Variants in CUBN observed in about 807,000 individuals in gnomAD.
CUBN encodes the protein cubilin.
CUBN carries 282 observed loss-of-function variants against 405.3 expected under a neutral mutation model. The ratio of observed to expected loss-of-function variants is 0.70; its 90% confidence interval spans 0.63 to 0.77. The LOEUF is 0.77. Among genes scored for constraint, CUBN ranks in the 30% least tolerant of loss-of-function variants. The probability of loss-of-function intolerance (pLI) is 0.00; values close to 1 mark genes in which losing one functional copy is unlikely to be tolerated. For synonymous variants in CUBN, 1,684 were observed against 1,617.0 expected, an observed-to-expected ratio of 1.04 and a Z score of -0.99; for missense variants, 4,514 against 4,475.2, an observed-to-expected ratio of 1.01 and a Z score of -0.25.
intron 31 of CUBN, among the ~76,000 whole-genome samples, chr10:16,972,809 T>G (rs917666676): frequency 6.6e-6 from 1 of 152,034 alleles, no homozygotes; most frequent in Non-Finnish European, 1.5e-5. Flanking sequence ...TAGCCTCTAA[T>G]TCTAGTGACT....
At chr10:16,952,895 C>CT (rs2131630858) in intron 32 of CUBN, among the ~76,000 whole-genome samples, 1 of 152,230 alleles carries the variant, frequency 6.6e-6, no homozygotes, top group African/African-American at 2.4e-5. Context: ...GAGGCCGAGG[C>CT]TAAACTAGGA....
chr10:16,984,229 G>C lies in CUBN; in HGVS notation c.4401C>G (p.Thr1467=). 1 of 1,614,074 alleles carries C rather than the reference G, an allele frequency of 6.2e-7. No homozygotes were observed. The highest frequency in any genetic ancestry group is 8.5e-7 in the Non-Finnish European group (1 of 1,180,018). The change falls in exon 30 of 67, where the codon ACC becomes ACG. Residue 1467 remains threonine (T), a synonymous_variant. Coordinates refer to ENST00000377833, the MANE Select transcript of CUBN (RefSeq NM_001081.4). ...FHSPRIAQLC[T]QRSPENPMQV... Reference sequence around the variant, plus strand: ...GCATGGGGTTCTCAGGTGATCTCTGGGTACACAGTTGGGCTATTCTGGGAG... The same window carrying C: ...GCATGGGGTTCTCAGGTGATCTCTGCGTACACAGTTGGGCTATTCTGGGAG...
intron 57 of CUBN, among the ~76,000 whole-genome samples, chr10:16,874,867 C>A (rs771302433): frequency 6.6e-6 from 1 of 152,106 alleles, no homozygotes; most frequent in South Asian, 2.1e-4. Flanking sequence ...TAACGAAGTA[C>A]GGAAAAGGCG....
intron 62 of CUBN, among the ~76,000 whole-genome samples, chr10:16,839,372 T>C (rs1352888231): frequency 1.3e-5 from 2 of 152,102 alleles, no homozygotes; most frequent in African/African-American, 4.8e-5. Flanking sequence ...TATTTCATCA[T>C]GAAACAAACC....
chr10:16,853,598 C>T (rs1024066496), intron 59 of CUBN, among the ~76,000 whole-genome samples: 8 of 152,220 alleles, frequency 5.3e-5, no homozygotes, highest in African/African-American at 1.9e-4. Flanking sequence ...AGAGTATTTG[C>T]ATAGTCAGAC....
chr10:17,085,573 G>A (rs1588632463), intron 16 of CUBN, 24 bp downstream of exon 16: 5 of 1,610,410 alleles, frequency 3.1e-6, no homozygotes, highest in Non-Finnish European at 8.5e-7. Context: ...TCCCTCTTAA[G>A]CCCCCAACTG....
intron 37 of CUBN, 49 bp from the exon 38 acceptor site, chr10:16,939,196 T>A: frequency 6.9e-7 from 1 of 1,458,594 alleles, no homozygotes; most frequent in Non-Finnish European, 9.6e-7. Flanking sequence ...GAATTGCTCT[T>A]TAATCAAATG....
intron 28 of CUBN, among the ~76,000 whole-genome samples, chr10:17,008,459 TGTGTGC>T (rs1185099881): frequency 1.7e-4 from 25 of 147,708 alleles, no homozygotes; most frequent in African/African-American, 3.6e-4. Context: ...TGTGTGTGTG[TGTGTGC>T]GCGCTTAGCC....
rs540055145 is a variant in CUBN at position 16,872,208 on chromosome 10, C to G, written c.9236+2166G>C. 2.7e-4 allele frequency among the ~76,000 whole-genome samples: 41 copies of G among 152,096 alleles called. No homozygotes were observed. In the Middle Eastern group the frequency reaches 0.02, roughly 76 times the overall value. ...TGAGCTGAGATCACGCCACTGCACT[C>G]CAGCCTGGGCGACAGAGTGAGAGCT... is the stretch of plus-strand genomic sequence containing the variant. On this transcript the variant is annotated intron_variant, in intron 58 of 66. Coordinates refer to ENST00000377833, the MANE Select transcript of CUBN (RefSeq NM_001081.4).
intron 56 of CUBN, among the ~76,000 whole-genome samples, chr10:16,879,114 G>T (rs951407518): frequency 4.6e-5 from 7 of 152,132 alleles, no homozygotes; most frequent in Non-Finnish European, 7.4e-5. Context: ...AATTAGGTAT[G>T]TATTTAATTT....
intron 43 of CUBN, among the ~76,000 whole-genome samples, chr10:16,923,213 G>A (rs1842089260): frequency 6.6e-6 from 1 of 151,910 alleles, no homozygotes; most frequent in Non-Finnish European, 1.5e-5. Context: ...AGAACTCGGT[G>A]GTTTGCATGA....
chr10:16,841,450 C>T (rs574537197), intron 60 of CUBN, among the ~76,000 whole-genome samples: 20 of 152,194 alleles, frequency 1.3e-4, no homozygotes, highest in African/African-American at 3.9e-4. Context: ...AAAATGTCAT[C>T]GAGAGGATAC....
In CUBN at chr10:16,952,281, G is replaced by C. The variant is rs532968940; in HGVS notation, c.4964C>G (p.Pro1655Arg). The C allele has an allele frequency of 1.3e-4, 207 of 1,610,080 alleles. 1 individual carries two copies. The Middle Eastern group carries it at 3.3e-3, about 26-fold the overall frequency. Residue 1655 changes from proline to arginine, a missense_variant, in exon 33 of 67, where the codon CCT (proline) becomes CGT (arginine). Coordinates refer to ENST00000377833, the MANE Select transcript of CUBN (RefSeq NM_001081.4). Reference protein sequence around the residue: ...QNCSWIIQAQPPLNHITLSFT... With the variant: ...QNCSWIIQAQRPLNHITLSFT... Reference sequence around the variant, plus strand: ...TTTTCATTTTTGTTACTTACATGGAGGTTGCGCTTGAATGATCCAGCTGCA... The same window carrying C: ...TTTTCATTTTTGTTACTTACATGGACGTTGCGCTTGAATGATCCAGCTGCA...
intron 28 of CUBN, among the ~76,000 whole-genome samples, chr10:17,016,805 A>G (rs970447966): frequency 3.3e-5 from 5 of 152,152 alleles, no homozygotes; most frequent in Non-Finnish European, 5.9e-5. Flanking sequence ...ATATGGGGGT[A>G]AGCTGAAAGG....
intron 16 of CUBN, 21 bp downstream of exon 16, chr10:17,085,576 C>A: frequency 1.2e-6 from 2 of 1,611,840 alleles, no homozygotes; most frequent in African/African-American, 1.3e-5. Context: ...CTCTTAAGCC[C>A]CCAACTGGTA....
intron 55 of CUBN, among the ~76,000 whole-genome samples, chr10:16,889,749 A>C (rs1163702205): frequency 1.3e-5 from 2 of 151,738 alleles, no homozygotes; most frequent in Non-Finnish European, 2.9e-5. Context: ...CAAAAAAAAA[A>C]AAATTAGCTG....
At chr10:16,861,741 A>G (rs976705171) in intron 59 of CUBN, among the ~76,000 whole-genome samples, 7 of 152,136 alleles carry the variant, frequency 4.6e-5, no homozygotes, top group Non-Finnish European at 1.0e-4. Flanking sequence ...CAGGACTCAC[A>G]TTCTCTGAGG....
At chr10:17,009,496 C>G (rs552841835) in intron 28 of CUBN, among the ~76,000 whole-genome samples, 2 of 152,248 alleles carry the variant, frequency 1.3e-5, no homozygotes, top group African/African-American at 4.8e-5. Context: ...CATGACCGTT[C>G]AATCAAGCTC....
intron 54 of CUBN, among the ~76,000 whole-genome samples, chr10:16,897,770 G>C (rs1336566403): frequency 6.6e-6 from 1 of 152,062 alleles, no homozygotes; most frequent in African/African-American, 2.4e-5. Context: ...AAGCATCTCG[G>C]GCCCATTAGG....
Sources: gnomAD v4.1 joint callset for allele counts (sites outside exome capture counted in the v4.1 genomes callset) on GRCh38, gnomAD v4.1.1 for gene constraint, MANE v1.5 for transcripts, NCBI Gene and HGNC (gene_info 2026-07-23, HGNC 2026-07-21) for gene names.